Variants in HECW2 observed in about 807,000 individuals in gnomAD.
HECW2 encodes the protein HECT, C2 and WW domain containing E3 ubiquitin protein ligase 2, also known as E3 ubiquitin-protein ligase HECW2.
A neutral mutation model predicts 175.2 loss-of-function variants in HECW2; 61 were observed. The observed-to-expected ratio is 0.35, with a 90% confidence interval of 0.28 to 0.43. HECW2 has a LOEUF of 0.43. HECW2 is among the 20% of genes least tolerant of loss of function. HECW2 has a pLI of 1.00. For synonymous variants in HECW2, 671 were observed against 731.0 expected (o/e 0.92, Z 1.32); for missense variants, 1,524 against 2,000.5 (o/e 0.76, Z 4.54).
chr2:196,571,568 G>C (rs547105030), intron 1 of HECW2, among the ~76,000 whole-genome samples: 16 of 152,158 alleles, frequency 1.1e-4, no homozygotes, highest in Non-Finnish European at 1.6e-4. Context: ...AATTAGCCGG[G>C]TGTGCTGACA....
At chr2:196,268,410 T>TAA (rs11385961) in intron 17 of HECW2, among the ~76,000 whole-genome samples, 6 of 151,492 alleles carry the variant, frequency 4.0e-5, no homozygotes, top group East Asian at 1.9e-4. Context: ...TAGATGCCAC[T>TAA]AAAAAAAAAT....
At chr2:196,448,581 TC>T (rs1222699287) in intron 1 of HECW2, among the ~76,000 whole-genome samples, 1 of 152,168 alleles carries the variant, frequency 6.6e-6, no homozygotes, top group Non-Finnish European at 1.5e-5. Flanking sequence ...CCAAGCAGCC[TC>T]CCCCGCCAAA....
At chr2:196,507,533 C>T (rs1687810132) in intron 1 of HECW2, among the ~76,000 whole-genome samples, 1 of 152,170 alleles carries the variant, frequency 6.6e-6, no homozygotes, top group South Asian at 2.1e-4. Flanking sequence ...AGTGAACACA[C>T]AGGAAAGCTC....
chr2:196,240,592 C>T, intron 20 of HECW2, 30 bp from the exon 21 acceptor site: 1 of 1,535,016 alleles, frequency 6.5e-7, no homozygotes, highest in African/African-American at 1.4e-5. Context: ...TTAGAAAATA[C>T]AAATTATTAC....
intron 2 of HECW2, among the ~76,000 whole-genome samples, chr2:196,349,750 G>A (rs1274313337): frequency 6.6e-6 from 1 of 152,074 alleles, no homozygotes; most frequent in Non-Finnish European, 1.5e-5. Context: ...TTTGGACCCA[G>A]GAGATAAAAG....
chr2:196,527,253 G>A (rs1018157806), intron 1 of HECW2, among the ~76,000 whole-genome samples: 5 of 152,218 alleles, frequency 3.3e-5, no homozygotes, highest in Admixed American at 2.6e-4. Flanking sequence ...AGGTGCGTCC[G>A]TCACCCCTTT....
At chr2:196,503,813 A>T (rs891763649) in intron 1 of HECW2, among the ~76,000 whole-genome samples, 2 of 152,256 alleles carry the variant, frequency 1.3e-5, no homozygotes, top group African/African-American at 4.8e-5. Context: ...AATAAGCCGC[A>T]GCATTTTAAA....
chr2:196,500,801 G>A (rs1385893396), intron 1 of HECW2, among the ~76,000 whole-genome samples: 2 of 152,176 alleles, frequency 1.3e-5, no homozygotes, highest in Non-Finnish European at 2.9e-5. Flanking sequence ...TTTCTTGTCT[G>A]TATTCCCCTG....
At chr2:196,457,426 T>G (rs373522955) in intron 1 of HECW2, among the ~76,000 whole-genome samples, 12 of 152,364 alleles carry the variant, frequency 7.9e-5, no homozygotes, top group East Asian at 5.8e-4. Context: ...ACCTCTTAAC[T>G]ATACTCCAAG....
chr2:196,366,636 T>A (rs973317409), intron 2 of HECW2, among the ~76,000 whole-genome samples: 1 of 152,186 alleles, frequency 6.6e-6, no homozygotes, highest in African/African-American at 2.4e-5. Context: ...GTCTTGAAGC[T>A]CTTAGGATGT....
intron 1 of HECW2, among the ~76,000 whole-genome samples, chr2:196,522,163 A>G (rs1376820418): frequency 6.6e-6 from 1 of 151,970 alleles, no homozygotes; most frequent in East Asian, 1.9e-4. Flanking sequence ...TGACTTTTTA[A>G]TGATTGCCAT....
chr2:196,308,586 C>T (rs1691360903), intron 10 of HECW2, among the ~76,000 whole-genome samples: 1 of 152,182 alleles, frequency 6.6e-6, no homozygotes, highest in Non-Finnish European at 1.5e-5. Flanking sequence ...TAACTATGCT[C>T]GCCTAGTGAT....
chr2:196,423,562 T>C (rs1004037528), intron 2 of HECW2, among the ~76,000 whole-genome samples: 2 of 152,074 alleles, frequency 1.3e-5, no homozygotes, highest in African/African-American at 4.8e-5. Context: ...CTTAGAACAT[T>C]GTCAGGGTAG....
chr2:196,442,165 G>C (rs1431840259), intron 1 of HECW2, among the ~76,000 whole-genome samples: 1 of 151,798 alleles, frequency 6.6e-6, no homozygotes, highest in African/African-American at 2.4e-5. Flanking sequence ...AACTCATTTA[G>C]TTATTTAAAC....
chr2:196,195,621 T>C lies in HECW2; in HGVS notation c.*5656A>G, dbSNP rs1686658837. 1 of 152,238 alleles carries C rather than the reference T, an allele frequency of 6.6e-6. No homozygotes were observed. Among genetic ancestry groups the C allele is most frequent in the Non-Finnish European group, 1.5e-5 (1 of 68,036 alleles). The allele number at this position is 152,238 out of a possible 1,614,324, so 9.4% of individuals were successfully genotyped here. A position where few individuals can be genotyped will look rare whatever the true frequency, so the allele number is the denominator to read the frequency against. ...TCACTTTCCAGATTAACAGAGAGCA[T>C]TTAAGTTATCTTTAGAAATCATGAA... On this transcript the variant is annotated 3_prime_UTR_variant, in exon 29 of 29. Transcript: ENST00000644978.
rs769961921 is a variant in HECW2, at chr2:196,278,584, T to C, written c.3079A>G (p.Ser1027Gly). The C allele has an allele frequency of 1.1e-4, 182 of 1,613,944 alleles. No homozygotes were observed. The highest frequency in any genetic ancestry group is 1.5e-4 in the Non-Finnish European group (175 of 1,180,026). The change falls in exon 15 of 29, where the codon AGT becomes GGT. Residue 1027 changes from serine to glycine, a missense_variant. Ser to Gly is a moderately conservative substitution (Grantham distance 56). Around this residue, in one of 11 missense-constraint regions of HECW2, gnomAD observed 291 missense variants for 412.2 expected, o/e 0.71. Coordinates refer to ENST00000644978, the MANE Select transcript of HECW2 (RefSeq NM_001348768.2). ...RLPLQSSRPT[S>G]ALVHRQHLTR... is the part of the protein sequence containing the mutation. ...AGGTGTTGCCGATGAACCAGCGCACTTGTGGGTCTACTGCTCTGAAGTGGG... is the reference window on the plus strand; with the variant it reads ...AGGTGTTGCCGATGAACCAGCGCACCTGTGGGTCTACTGCTCTGAAGTGGG...
chr2:196,575,318 T>C (rs1690525055), intron 1 of HECW2, among the ~76,000 whole-genome samples: 1 of 152,126 alleles, frequency 6.6e-6, no homozygotes, highest in Admixed American at 6.6e-5. Context: ...AGTGAGAATG[T>C]AAACTGGTAC....
At chr2:196,320,975 A>G (rs1691919785) in intron 7 of HECW2, among the ~76,000 whole-genome samples, 1 of 152,240 alleles carries the variant, frequency 6.6e-6, no homozygotes, top group African/African-American at 2.4e-5. Context: ...AGAGAAGCAC[A>G]AGAACACAAG....
intron 13 of HECW2, among the ~76,000 whole-genome samples, chr2:196,299,508 G>C (rs566285689): frequency 6.6e-6 from 1 of 152,206 alleles, no homozygotes; most frequent in Admixed American, 6.5e-5. Flanking sequence ...CACTTAAGGG[G>C]CCTAAAACAA....
Sources: allele counts gnomAD v4.1 joint callset (sites outside exome capture counted in the v4.1 genomes callset), GRCh38; gene constraint gnomAD v4.1.1; regional missense constraint gnomAD v4.1.1; transcripts MANE v1.5; gene names NCBI Gene and HGNC (gene_info 2026-07-23, HGNC 2026-07-21).